The following ASPM variants were observed in gnomAD, a reference collection of about 807,000 sequenced individuals.
ASPM encodes the protein abnormal spindle-like microcephaly-associated protein.
ASPM carries 256 observed loss-of-function variants against 366.4 expected under a neutral mutation model. That is an observed-to-expected ratio of 0.70 (90% CI 0.63 to 0.77). The LOEUF is 0.77. ASPM is among the 30% of genes least tolerant of loss of function. The pLI is 0.00. For missense variants in ASPM, 4,146 were observed against 4,090.4 expected, an observed-to-expected ratio of 1.01 and a Z score of -0.37; for synonymous variants, 1,414 against 1,342.9, an observed-to-expected ratio of 1.05 and a Z score of -1.16.
At chr1:197,113,571 T>C (rs1348423023) in intron 17 of ASPM, among the ~76,000 whole-genome samples, 6 of 152,046 alleles carry the variant, frequency 3.9e-5, no homozygotes, top group East Asian at 1.9e-4. Context: ...GAGTATAACA[T>C]AGGCATACAT....
chr1:197,145,043 C>G (rs1485265917), intron 1 of ASPM, among the ~76,000 whole-genome samples: 1 of 151,564 alleles, frequency 6.6e-6, no homozygotes, highest in African/African-American at 2.4e-5. Flanking sequence ...GGAAAGCAGG[C>G]AGTGATTCAT....
intron 18 of ASPM, among the ~76,000 whole-genome samples, chr1:197,098,021 C>T (rs1571594863): frequency 6.7e-6 from 1 of 149,590 alleles, no homozygotes; most frequent in African/African-American, 2.4e-5. Flanking sequence ...TATATACACA[C>T]ACACACATCA....
At position 197,103,174 on chromosome 1, in the gene ASPM, G is replaced by T; in HGVS notation, c.6077C>A (p.Thr2026Asn). ...CATACCACGATAAGCTGACTGTAAA[G>T]TTACTACAGCTGCTTTTGTTTTCAA... ...LYLKTKAAVVTLQSAYRGMKV... is the reference protein window; with the variant it reads ...LYLKTKAAVVNLQSAYRGMKV... The change falls in exon 18 of 28, where the codon ACT (threonine) becomes AAT (asparagine). Residue 2026 changes from threonine (T) to asparagine (N), a missense_variant. Thr to Asn is a moderately conservative substitution (Grantham distance 65, BLOSUM62 0). Coordinates refer to ENST00000367409, the MANE Select transcript of ASPM (RefSeq NM_018136.5). 1 of 1,612,608 alleles carries T rather than the reference G, an allele frequency of 6.2e-7. No homozygotes were observed. Among genetic ancestry groups the T allele is most frequent in the Non-Finnish European group, 8.5e-7 (1 of 1,179,302 alleles).
In ASPM at chr1:197,103,245, C is replaced by T; in HGVS notation, c.6006G>A (p.Lys2002=). The T allele has an allele frequency of 4.3e-6, 7 of 1,612,730 alleles. No individual in the cohort carries two copies. Among genetic ancestry groups the T allele is most frequent in the South Asian group, 3.3e-5 (3 of 91,054 alleles). ...TTCCAATACTGTAAGCCCTATAATA[C>T]TTTTGAATCAGAAGAGCAGCTTTTT... is the stretch of plus-strand genomic sequence containing the variant. ...IMKKAALLIQ[K]YYRAYSIGRE... The change falls in exon 18 of 28, where the codon AAG becomes AAA. Residue 2002 remains lysine, a synonymous_variant. Coordinates refer to ENST00000367409, the MANE Select transcript of ASPM (RefSeq NM_018136.5).
rs1389676736 is a variant in ASPM at position 197,102,842 on chromosome 1, G to A, written c.6409C>T (p.His2137Tyr). ...FKMHQSRISY[H>Y]TMRKAAIVIQ... ...ACAATAGCTGCTTTTCTCATTGTAT[G>A]GTAACTTATTCTTGACTGATGCATT... Residue 2137 changes from histidine to tyrosine, a missense_variant, in exon 18 of 28, where the codon CAT (histidine) becomes TAT (tyrosine). By Grantham distance (83) the His-to-Tyr change is moderately conservative (BLOSUM62 2). Coordinates refer to ENST00000367409, the MANE Select transcript of ASPM (RefSeq NM_018136.5). 32 of 1,612,228 alleles carry A rather than the reference G, an allele frequency of 2.0e-5. No homozygotes were observed. Among genetic ancestry groups the A allele is most frequent in the Non-Finnish European group, 2.5e-5 (30 of 1,179,206 alleles).
At chr1:197,108,662 C>T (rs1470754320) in intron 17 of ASPM, among the ~76,000 whole-genome samples, 1 of 151,828 alleles carries the variant, frequency 6.6e-6, no homozygotes, top group Non-Finnish European at 1.5e-5. Flanking sequence ...GATAAATAGT[C>T]CTATACAAAT....
At chr1:197,126,355 C>A (rs957999179) in intron 10 of ASPM, among the ~76,000 whole-genome samples, 1 of 145,648 alleles carries the variant, frequency 6.9e-6, no homozygotes, top group African/African-American at 2.6e-5. Context: ...GCAGGAGAAT[C>A]GCTAGAACAC....
intron 4 of ASPM, 27 bp from the exon 5 acceptor site, chr1:197,135,269 A>G (rs1238298841): frequency 6.2e-7 from 1 of 1,612,554 alleles, no homozygotes; most frequent in Admixed American, 1.7e-5. Context: ...GTTACTGCAT[A>G]ACAAAATTTC....
chr1:197,085,507 T>C (rs1237043248), intron 27 of ASPM, among the ~76,000 whole-genome samples: 1 of 152,164 alleles, frequency 6.6e-6, no homozygotes, highest in African/African-American at 2.4e-5. Context: ...AATCCAAAGA[T>C]ATATCAATTG....
intron 17 of ASPM, among the ~76,000 whole-genome samples, chr1:197,116,388 A>G (rs917387299): frequency 1.5e-4 from 23 of 152,186 alleles, no homozygotes; most frequent in African/African-American, 5.3e-4. Flanking sequence ...TAGATGTAGT[A>G]CTAATGAAAA....
At position 197,103,205 on chromosome 1, in the gene ASPM, A is replaced by T; in HGVS notation, c.6046T>A (p.Leu2016Ile). The T allele has an allele frequency of 6.2e-7, 1 of 1,612,728 alleles. No individual in the cohort carries two copies. Among genetic ancestry groups the T allele is most frequent in the Non-Finnish European group, 8.5e-7 (1 of 1,179,404 alleles). ...AYSIGREQNH[L>I]YLKTKAAVVT... ...ACAGCTGCTTTTGTTTTCAAATATA[A>T]ATGATTCTGTTCTCTTCCAATACTG... Residue 2016 changes from leucine to isoleucine, a missense_variant, in exon 18 of 28, where the codon TTA becomes ATA. By Grantham distance (5) the Leu-to-Ile change is conservative. Around this residue, in one of 3 missense-constraint regions of ASPM, gnomAD observed 3,624 missense variants for 3,591.7 expected, o/e 1.01. Transcript: ENST00000367409.
At position 197,124,344 on chromosome 1, in the gene ASPM, C is replaced by T. The variant is rs777095274; in HGVS notation, c.3169-13G>A. 6.7e-7 allele frequency: 1 copy of T among 1,491,504 alleles called. No homozygotes were observed. The highest frequency in any genetic ancestry group is 9.3e-7 in the Non-Finnish European group (1 of 1,077,578). 92.4% of individuals were successfully genotyped at this position (1,491,504 alleles called of 1,614,324 possible). On this transcript the variant is annotated splice_polypyrimidine_tract_variant and intron_variant, in intron 12 of 27. Transcript: ENST00000367409. ...GGGAAATATCCACCTAAAACAAACA[C>T]AAAAAAAGATAAATACCTTCATATT...
At chr1:197,136,667 C>G (rs1331899701) in intron 4 of ASPM, among the ~76,000 whole-genome samples, 1 of 151,852 alleles carries the variant, frequency 6.6e-6, no homozygotes, top group Non-Finnish European at 1.5e-5. Flanking sequence ...AGAAACAAAA[C>G]TTGTCACTAC....
At chr1:197,097,166 G>C (rs1173894201) in intron 18 of ASPM, among the ~76,000 whole-genome samples, 7 of 151,688 alleles carry the variant, frequency 4.6e-5, no homozygotes, top group African/African-American at 1.5e-4. Context: ...CCTTTCCCAG[G>C]CATTGTGAAG....
rs1181062150 is a variant in ASPM, at chr1:197,104,395, T to C, written c.4856A>G (p.Tyr1619Cys). 2 of 1,613,004 alleles carry C rather than the reference T, an allele frequency of 1.2e-6. No homozygotes were observed. The highest frequency in any genetic ancestry group is 1.3e-5 in the African/African-American group (1 of 74,844). ...AVIIQTHFRA[Y>C]IFAMKVLASY... ...TGCTAGAACTTTCATGGCAAAAATATAAGCTCGGAAATGAGTCTGAATTAT... is the reference window on the plus strand; with the variant it reads ...TGCTAGAACTTTCATGGCAAAAATACAAGCTCGGAAATGAGTCTGAATTAT... Residue 1619 changes from tyrosine (Y) to cysteine (C), a missense_variant, in exon 18 of 28, where the codon TAT becomes TGT. Coordinates refer to ENST00000367409, the MANE Select transcript of ASPM (RefSeq NM_018136.5).
chr1:197,146,649 C>T lies in ASPM; in HGVS notation c.-212G>A, dbSNP rs1658799030. 3.3e-6 allele frequency: 2 copies of T among 614,762 alleles called. No individual in the cohort carries two copies. The highest frequency in any genetic ancestry group is 4.0e-5 in the South Asian group (2 of 50,106). The allele number at this position is 614,762 out of a possible 1,614,324, so 38.1% of individuals were successfully genotyped here. On this transcript the variant is annotated 5_prime_UTR_variant, in exon 1 of 28. Coordinates refer to ENST00000367409, the MANE Select transcript of ASPM (RefSeq NM_018136.5). Reference sequence around the variant, plus strand: ...TCGCAAATTAAAAAGAGGAGCCAAACAAGTATGGCGTTTTGACTCTGTTTA... The same window carrying T: ...TCGCAAATTAAAAAGAGGAGCCAAATAAGTATGGCGTTTTGACTCTGTTTA...
chr1:197,092,159 A>G (rs912067479), intron 21 of ASPM, 103 bp from the exon 22 acceptor site: 2 of 1,086,166 alleles, frequency 1.8e-6, no homozygotes, highest in Non-Finnish European at 2.7e-6. Flanking sequence ...TAAACTAGCA[A>G]GAATAAACTA....
At chr1:197,128,812 A>G (rs1658173909) in intron 9 of ASPM, 147 bp from the exon 10 acceptor site, 2 of 720,590 alleles carry the variant, frequency 2.8e-6, no homozygotes, top group South Asian at 2.5e-5. Context: ...AACTTCATAC[A>G]TATTTCCAAC....
At chr1:197,146,012 G>T in intron 1 of ASPM, 129 bp downstream of exon 1, 1 of 1,195,890 alleles carries the variant, frequency 8.4e-7, no homozygotes, top group African/African-American at 1.5e-5. Flanking sequence ...GAGTGAAAGG[G>T]AACTGACTTT....
Sources: gnomAD v4.1 joint callset for allele counts (sites outside exome capture counted in the v4.1 genomes callset) on GRCh38, gnomAD v4.1.1 for gene constraint, gnomAD v4.1.1 regional missense constraint, MANE v1.5 for transcripts, NCBI Gene and HGNC (gene_info 2026-07-23, HGNC 2026-07-21) for gene names.